Variants in NRXN1 observed in about 807,000 individuals in gnomAD.
The protein encoded by NRXN1 is neurexin 1, also known as neurexin-1.
In NRXN1, 39 loss-of-function variants were observed where a neutral mutation model predicts 150.9. The ratio of observed to expected loss-of-function variants is 0.26; its 90% CI spans 0.20 to 0.34. The LOEUF (loss-of-function observed/expected upper bound fraction) is 0.34, where lower values mean the gene tolerates loss of function less well. NRXN1 is among the 10% of genes least tolerant of loss of function. The pLI, the probability that NRXN1 is intolerant of heterozygous loss-of-function variation, is 1.00. For synonymous variants in NRXN1, 924 were observed against 757.0 expected, an observed-to-expected ratio of 1.22 and a Z score of -3.62; for missense variants, 1,815 against 1,949.9, an observed-to-expected ratio of 0.93 and a Z score of 1.30.
intron 5 of NRXN1, among the ~76,000 whole-genome samples, chr2:50,638,720 T>C (rs1000704398): frequency 6.6e-6 from 1 of 152,188 alleles, no homozygotes; most frequent in African/African-American, 2.4e-5. Flanking sequence ...TATTTCTCCT[T>C]TTAAAGATCA....
At chr2:50,882,622 C>T (rs147383850) in intron 5 of NRXN1, among the ~76,000 whole-genome samples, 68 of 151,852 alleles carry the variant, frequency 4.5e-4, no homozygotes, top group African/African-American at 8.0e-4. Flanking sequence ...AAGTTAAAGA[C>T]GAACCCACAG....
At chr2:50,126,029 G>A (rs768045556) in intron 18 of NRXN1, among the ~76,000 whole-genome samples, 2 of 152,070 alleles carry the variant, frequency 1.3e-5, no homozygotes, top group Admixed American at 6.6e-5. Context: ...GGAACAGAAC[G>A]AAGCAGAACA....
At chr2:50,953,902 T>C (rs1011495405) in intron 2 of NRXN1, among the ~76,000 whole-genome samples, 1 of 152,164 alleles carries the variant, frequency 6.6e-6, no homozygotes, top group Non-Finnish European at 1.5e-5. Flanking sequence ...CATTACATGG[T>C]ATATTGTAGA....
rs57580154 is a variant in NRXN1, at chr2:50,026,859, C to CTTTTTTTTTTTTTT, written c.4128+26398_4128+26411dup. Reference sequence around the variant, plus strand: ...TTGCATTGTTTAAGTCTTTTCTTTTCTTTTTTTTTTTTTTTTTTTTTTTTT... The same window carrying CTTTTTTTTTTTTTT: ...TTGCATTGTTTAAGTCTTTTCTTTTCTTTTTTTTTTTTTTTTTTTTTTTTTTTTTTTTTTTTTTT... On this transcript the variant is annotated intron_variant, in intron 21 of 22. Transcript: ENST00000401669. Among the ~76,000 whole-genome samples, 70 of 65,242 alleles carry CTTTTTTTTTTTTTT rather than the reference C, an allele frequency of 1.1e-3. 18 individuals are homozygous for CTTTTTTTTTTTTTT. The highest frequency in any genetic ancestry group is 1.7e-3 in the Admixed American group (7 of 4,172). The allele number at this position is 65,242 out of a possible 152,430, so 42.8% of individuals were successfully genotyped here. A position where few individuals can be genotyped will look rare whatever the true frequency, so the allele number is the denominator to read the frequency against.
intron 17 of NRXN1, among the ~76,000 whole-genome samples, chr2:50,307,796 G>A (rs1014674194): frequency 6.6e-6 from 1 of 151,814 alleles, no homozygotes; most frequent in African/African-American, 2.4e-5. Context: ...TATCTTTTCC[G>A]TGGATTTATA....
At chr2:50,163,502 C>A (rs979342111) in intron 18 of NRXN1, among the ~76,000 whole-genome samples, 1 of 152,088 alleles carries the variant, frequency 6.6e-6, no homozygotes, top group African/African-American at 2.4e-5. Flanking sequence ...AACACAGTTT[C>A]TATTTTGAGC....
At chr2:50,736,772 A>G (rs2105241562) in intron 5 of NRXN1, among the ~76,000 whole-genome samples, 1 of 152,216 alleles carries the variant, frequency 6.6e-6, no homozygotes, top group African/African-American at 2.4e-5. Flanking sequence ...TAAATTACCC[A>G]GTCCTGGGTA....
chr2:50,414,138 CA>C, intron 17 of NRXN1, among the ~76,000 whole-genome samples: 1 of 152,076 alleles, frequency 6.6e-6, no homozygotes, highest in Non-Finnish European at 1.5e-5. Context: ...TTTGATATCA[CA>C]ACAGGGTTAC....
intron 17 of NRXN1, among the ~76,000 whole-genome samples, chr2:50,364,111 G>A (rs775270892): frequency 1.3e-5 from 2 of 152,200 alleles, no homozygotes; most frequent in Non-Finnish European, 2.9e-5. Context: ...GCAAGGGGAG[G>A]GATAGCATTA....
chr2:49,983,106 G>A (rs7569617), intron 21 of NRXN1, among the ~76,000 whole-genome samples: 1 of 152,030 alleles, frequency 6.6e-6, no homozygotes, highest in Non-Finnish European at 1.5e-5. Context: ...TCTAGGAAGA[G>A]TTAGTCATTA....
intron 8 of NRXN1, among the ~76,000 whole-genome samples, chr2:50,609,657 A>G (rs934891135): frequency 1.3e-5 from 2 of 152,102 alleles, no homozygotes; most frequent in African/African-American, 4.8e-5. Flanking sequence ...TTCTAAAGCC[A>G]TTCATCTTAA....
intron 19 of NRXN1, among the ~76,000 whole-genome samples, chr2:50,082,696 G>T: frequency 6.6e-6 from 1 of 152,140 alleles, no homozygotes; most frequent in East Asian, 1.9e-4. Context: ...CTTCAAATAC[G>T]TAGGAAACTC....
At chr2:49,992,507 G>A (rs764445384) in intron 21 of NRXN1, among the ~76,000 whole-genome samples, 60 of 152,234 alleles carry the variant, frequency 3.9e-4, no homozygotes, top group Admixed American at 2.2e-3. Flanking sequence ...TTGAACTTGG[G>A]AGGCGGAGGT....
intron 2 of NRXN1, among the ~76,000 whole-genome samples, chr2:51,019,542 T>C (rs973026098): frequency 3.3e-5 from 5 of 152,120 alleles, no homozygotes; most frequent in African/African-American, 1.2e-4. Flanking sequence ...GAAAATCATG[T>C]ATATTTGCAG....
At position 50,092,778 on chromosome 2, in the gene NRXN1, T is replaced by A. The variant is rs568963926; in HGVS notation, c.3547-1284A>T. 2.4e-3 allele frequency among the ~76,000 whole-genome samples: 358 copies of A among 152,288 alleles called. 2 individuals are homozygous for A. The highest frequency in any genetic ancestry group is 3.0e-3 in the Non-Finnish European group (202 of 68,008). On this transcript the variant is annotated intron_variant, in intron 18 of 22. Transcript: ENST00000401669. ...GCTCATTATCTCCTTCATGTAGAGA[T>A]CCTAAAGGTTTCTGTTGGTTTTCTT...
intron 6 of NRXN1, among the ~76,000 whole-genome samples, chr2:50,621,918 G>A (rs1680092861): frequency 6.6e-6 from 1 of 152,092 alleles, no homozygotes; most frequent in Non-Finnish European, 1.5e-5. Flanking sequence ...AGTTTCCTTT[G>A]AGCTACCAAT....
chr2:50,257,114 C>A (rs1358268451), intron 17 of NRXN1, among the ~76,000 whole-genome samples: 1 of 151,912 alleles, frequency 6.6e-6, no homozygotes, highest in African/African-American at 2.4e-5. Flanking sequence ...TTATTATCTC[C>A]ATTTTATGGA....
At chr2:50,327,713 A>C (rs1174988691) in intron 17 of NRXN1, among the ~76,000 whole-genome samples, 1 of 151,492 alleles carries the variant, frequency 6.6e-6, no homozygotes, top group East Asian at 1.9e-4. Context: ...GCAGTGGAAA[A>C]ATCTCAGCTC....
chr2:50,653,690 T>C (rs1685965887), intron 5 of NRXN1, among the ~76,000 whole-genome samples: 1 of 152,058 alleles, frequency 6.6e-6, no homozygotes, highest in South Asian at 2.1e-4. Context: ...ATGCATAATA[T>C]AATTGCGTGA....
Sources: allele counts gnomAD v4.1 joint callset (sites outside exome capture counted in the v4.1 genomes callset), GRCh38; gene constraint gnomAD v4.1.1; transcripts MANE v1.5; gene names NCBI Gene and HGNC (gene_info 2026-07-23, HGNC 2026-07-21).